The following ZNF532 variants were observed in gnomAD, a reference collection of about 807,000 sequenced individuals.
The protein encoded by ZNF532 is zinc finger protein 532.
ZNF532 carries 22 observed loss-of-function variants against 89.3 expected under a neutral mutation model. That is an observed-to-expected ratio of 0.25 (90% CI 0.18 to 0.35). The LOEUF (loss-of-function observed/expected upper bound fraction) is 0.35, where lower values mean the gene tolerates loss of function less well. Ranked by LOEUF, ZNF532 falls within the 10% of genes least tolerant of loss-of-function variation. ZNF532 has a pLI of 1.00. For missense variants in ZNF532, 1,132 were observed against 1,643.4 expected, an observed-to-expected ratio of 0.69 and a Z score of 5.38; for synonymous variants, 606 against 649.6, an observed-to-expected ratio of 0.93 and a Z score of 1.02.
At position 58,981,610 on chromosome 18, in the gene ZNF532, A is replaced by G; in HGVS notation, c.3404A>G (p.Asp1135Gly). ...TNEEETEIKE[D>G]TKVPSPKRKL... ...GAGGAGGAAACAGAAATAAAAGAAG[A>G]CACTAAGGTCTAACATTGCAGATGT... The change falls in exon 9 of 10, where the codon GAC (aspartate) becomes GGC (glycine). Residue 1135 changes from aspartate (D) to glycine (G), a missense_variant. Asp to Gly is a moderately conservative substitution (Grantham distance 94). Coordinates refer to ENST00000591808, the MANE Select transcript of ZNF532 (RefSeq NM_001375912.1). 1 of 1,614,136 alleles carries G rather than the reference A, an allele frequency of 6.2e-7. No individual in the cohort carries two copies. The highest frequency in any genetic ancestry group is 8.5e-7 in the Non-Finnish European group (1 of 1,179,996).
chr18:58,925,169 T>C (rs984565880), intron 3 of ZNF532, among the ~76,000 whole-genome samples: 29 of 152,190 alleles, frequency 1.9e-4, no homozygotes, highest in African/African-American at 6.5e-4. Context: ...TTTTACATGG[T>C]ATTTGCACGT....
rs1262136677 is a variant in ZNF532, at chr18:58,984,687, T to G, written c.*221T>G. 1 of 445,952 alleles carries G rather than the reference T, an allele frequency of 2.2e-6. No homozygotes were observed. Among genetic ancestry groups the G allele is most frequent in the Non-Finnish European group, 3.9e-6 (1 of 257,824 alleles). 27.6% of individuals were successfully genotyped at this position (445,952 alleles called of 1,614,324 possible). Reference sequence around the variant, plus strand: ...TGTATATATTTAAATGAATAACTTTTTATACTCTTTGTTACATGTTTGTAT... The same window carrying G: ...TGTATATATTTAAATGAATAACTTTGTATACTCTTTGTTACATGTTTGTAT... On this transcript the variant is annotated 3_prime_UTR_variant, in exon 10 of 10. Coordinates refer to ENST00000591808, the MANE Select transcript of ZNF532 (RefSeq NM_001375912.1).
At chr18:58,932,671 C>A (rs1156723983) in intron 3 of ZNF532, among the ~76,000 whole-genome samples, 1 of 152,074 alleles carries the variant, frequency 6.6e-6, no homozygotes, top group Admixed American at 6.5e-5. Flanking sequence ...CTTTACTGAG[C>A]CTTCGTTTCC....
intron 7 of ZNF532, among the ~76,000 whole-genome samples, chr18:58,956,281 A>G (rs1160415166): frequency 6.6e-6 from 1 of 152,228 alleles, no homozygotes; most frequent in Non-Finnish European, 1.5e-5. Context: ...CTGGCTTAGC[A>G]TAATTTTAGG....
intron 9 of ZNF532, among the ~76,000 whole-genome samples, chr18:58,982,401 A>G (rs938586997): frequency 6.7e-6 from 1 of 149,522 alleles, no homozygotes; most frequent in African/African-American, 2.5e-5. Flanking sequence ...CGGGCAGATC[A>G]CTTGAGGCTA....
chr18:58,872,250 A>G (rs1187176958), intron 2 of ZNF532, among the ~76,000 whole-genome samples: 1 of 152,222 alleles, frequency 6.6e-6, no homozygotes, highest in East Asian at 1.9e-4. Flanking sequence ...TTACATAATT[A>G]GAGCTTTTAG....
At chr18:58,956,010 C>T (rs532271800) in intron 7 of ZNF532, among the ~76,000 whole-genome samples, 1 of 152,196 alleles carries the variant, frequency 6.6e-6, no homozygotes, top group South Asian at 2.1e-4. Flanking sequence ...CCTTTCATTT[C>T]GTGAGATTTC....
At chr18:58,938,740 G>C (rs991411698) in intron 4 of ZNF532, among the ~76,000 whole-genome samples, 8 of 152,132 alleles carry the variant, frequency 5.3e-5, no homozygotes, top group African/African-American at 1.4e-4. Context: ...TGGCATGCAG[G>C]TTTAGACACT....
intron 7 of ZNF532, among the ~76,000 whole-genome samples, chr18:58,975,967 A>G (rs11876689): frequency 0.03 from 4,627 of 152,312 alleles, 260 homozygotes; most frequent in African/African-American, 0.1. Flanking sequence ...TGGGCTTTAC[A>G]CTGAAATGCT....
chr18:58,889,359 A>G (rs1323681933), intron 2 of ZNF532, among the ~76,000 whole-genome samples: 2 of 152,208 alleles, frequency 1.3e-5, no homozygotes, highest in African/African-American at 4.8e-5. Flanking sequence ...GAAATTTATC[A>G]GGTTGTCTTT....
At position 58,905,070 on chromosome 18, in the gene ZNF532, G is replaced by T. The variant is rs571483577; in HGVS notation, c.-17-13201G>T. On this transcript the variant is annotated intron_variant, in intron 2 of 9. Coordinates refer to ENST00000591808, the MANE Select transcript of ZNF532 (RefSeq NM_001375912.1). ...TTGGCCAGTGTGGTCTTGAACTCCT[G>T]GCCTCAAGTGGTCTACCTGCCTCGG... Among the ~76,000 whole-genome samples the T allele has an allele frequency of 6.6e-5, 10 of 152,148 alleles. No individual in the cohort carries two copies. In the East Asian group the frequency reaches 1.7e-3, roughly 26 times the overall value.
intron 9 of ZNF532, 86 bp downstream of exon 9, chr18:58,981,703 C>T (rs2067788066): frequency 6.5e-7 from 1 of 1,543,240 alleles, no homozygotes; most frequent in African/African-American, 1.4e-5. Flanking sequence ...GTTTTTGTTG[C>T]ATAGTTACAG....
rs752337942 is a variant in ZNF532, at chr18:58,919,439, G to A, written c.1152G>A (p.Val384=). Residue 384 remains valine, a synonymous_variant, in exon 3 of 10, where the codon GTG becomes GTA. Coordinates refer to ENST00000591808, the MANE Select transcript of ZNF532 (RefSeq NM_001375912.1). The surrounding 1 kb of genome is among the most constrained non-coding windows in gnomAD (Gnocchi z 6.1). ...KRTVTRVLPE[V]DLDSGKKPSE... ...CAGTGACCAGGGTATTGCCAGAAGT[G>A]GATCTTGACTCTGGAAAGAAACCTT... 3 of 1,614,196 alleles carry A rather than the reference G, an allele frequency of 1.9e-6. No homozygotes were observed. Among genetic ancestry groups the A allele is most frequent in the Non-Finnish European group, 1.7e-6 (2 of 1,180,050 alleles).
At chr18:58,863,500 G>C (rs1330170838), upstream of ZNF532, 1 of 147,932 alleles carries the variant, frequency 6.8e-6, no homozygotes, top group East Asian at 1.9e-4. Context: ...CGCCGCCCGG[G>C]CCGAGCCGCC....
chr18:58,973,767 A>G (rs2066728425), intron 7 of ZNF532, among the ~76,000 whole-genome samples: 1 of 152,204 alleles, frequency 6.6e-6, no homozygotes, highest in Admixed American at 6.5e-5. Context: ...GTGAATAAAC[A>G]CACTTGGGCA....
chr18:58,902,178 C>T, intron 2 of ZNF532, among the ~76,000 whole-genome samples: 1 of 152,064 alleles, frequency 6.6e-6, no homozygotes, highest in East Asian at 1.9e-4. Flanking sequence ...CGGCCCTGTG[C>T]AGCGGTGTTG....
At chr18:58,982,001 CA>C (rs60019659) in intron 9 of ZNF532, among the ~76,000 whole-genome samples, 3,445 of 83,304 alleles carry the variant, frequency 0.041, 66 homozygotes, top group African/African-American at 0.099. Flanking sequence ...GAGACTCTCC[CA>C]AAAAAAAAAA....
chr18:58,981,075 G>A (rs928178150), intron 8 of ZNF532: 1 of 208,680 alleles, frequency 4.8e-6, no homozygotes, highest in Non-Finnish European at 9.6e-6. Context: ...GTATAAACAT[G>A]CATGCTGCTT....
chr18:58,881,936 TC>T (rs2057956425), intron 2 of ZNF532, among the ~76,000 whole-genome samples: 2 of 152,216 alleles, frequency 1.3e-5, no homozygotes, highest in South Asian at 4.1e-4. Flanking sequence ...TGGAAATACT[TC>T]CAGAACCATC....
Sources: gnomAD v4.1 joint callset for allele counts (sites outside exome capture counted in the v4.1 genomes callset) on GRCh38, gnomAD v4.1.1 for gene constraint, Gnocchi (gnomAD v3.1) non-coding constraint, MANE v1.5 for transcripts, NCBI Gene and HGNC (gene_info 2026-07-23, HGNC 2026-07-21) for gene names.